Variants in RALGPS2 observed in about 807,000 individuals in gnomAD.
RALGPS2 encodes the protein ras-specific guanine nucleotide-releasing factor RalGPS2.
A neutral mutation model predicts 86.8 loss-of-function variants in RALGPS2; 43 were observed. The ratio of observed to expected loss-of-function variants is 0.50; its 90% CI spans 0.39 to 0.64. The LOEUF (loss-of-function observed/expected upper bound fraction) is 0.64. Among genes scored for constraint, RALGPS2 ranks in the 30% least tolerant of loss-of-function variants. The pLI is 0.00. For missense variants in RALGPS2, 536 were observed against 694.6 expected, an observed-to-expected ratio of 0.77 and a Z score of 2.57; for synonymous variants, 243 against 231.3, an observed-to-expected ratio of 1.05 and a Z score of -0.46.
chr1:178,790,540 G>A (rs1352383929), intron 4 of RALGPS2, among the ~76,000 whole-genome samples: 8 of 152,036 alleles, frequency 5.3e-5, no homozygotes, highest in African/African-American at 9.7e-5. Flanking sequence ...ATCCCTTAAC[G>A]CATGCTATTG....
intron 1 of RALGPS2, among the ~76,000 whole-genome samples, chr1:178,752,488 T>A (rs1052838236): frequency 6.6e-6 from 1 of 152,040 alleles, no homozygotes; most frequent in East Asian, 1.9e-4. Flanking sequence ...GCCAGCACTA[T>A]CTTCCTGCAG....
intron 12 of RALGPS2, chr1:178,885,442 A>G (rs1205602387): frequency 4.2e-6 from 2 of 471,444 alleles, no homozygotes; most frequent in Admixed American, 7.9e-5. Context: ...GGGACGATAA[A>G]TGAACATTAC....
chr1:178,833,564 C>CTG lies in RALGPS2; in HGVS notation c.607+20_607+21dup. 8 of 1,521,972 alleles carry CTG rather than the reference C, an allele frequency of 5.3e-6. No individual in the cohort carries two copies. The highest frequency in any genetic ancestry group is 7.0e-6 in the Non-Finnish European group (8 of 1,147,410). 94.3% of individuals were successfully genotyped at this position (1,521,972 alleles called of 1,614,324 possible). On this transcript the variant is annotated intron_variant, in intron 8 of 19. Transcript: ENST00000367635. ...TTCCCTATTTAGGTGAGTTATGTCA[C>CTG]TGTGTGTTTTTTGTTTCTAGTTGTT... is the stretch of plus-strand genomic sequence containing the variant.
chr1:178,833,713 T>C (rs1656133501), intron 8 of RALGPS2, among the ~76,000 whole-genome samples, 163 bp downstream of exon 8: 1 of 152,154 alleles, frequency 6.6e-6, no homozygotes. Flanking sequence ...GTTACCCTGT[T>C]ACCTGGAATG....
rs1243235239 is a variant in RALGPS2 at position 178,919,186 on chromosome 1, G to A, written c.*2827G>A. 1 of 151,994 alleles carries A rather than the reference G, an allele frequency of 6.6e-6. No homozygotes were observed. The highest frequency in any genetic ancestry group is 1.5e-5 in the Non-Finnish European group (1 of 67,894). The allele number at this position is 151,994 out of a possible 1,614,324, so 9.4% of individuals were successfully genotyped here. Reference sequence around the variant, plus strand: ...AGACAGTAAGAATTGAACAAGAACTGATCAAACACACCTTCCTATTTTGTT... The same window carrying A: ...AGACAGTAAGAATTGAACAAGAACTAATCAAACACACCTTCCTATTTTGTT... On this transcript the variant is annotated 3_prime_UTR_variant, in exon 20 of 20. Transcript: ENST00000367635.
At chr1:178,740,062 T>C (rs920195665) in intron 1 of RALGPS2, among the ~76,000 whole-genome samples, 7 of 152,224 alleles carry the variant, frequency 4.6e-5, no homozygotes, top group Admixed American at 3.9e-4. Flanking sequence ...ACCTTTGACT[T>C]AATAATCACT....
At chr1:178,729,919 C>T (rs929192712) in intron 1 of RALGPS2, among the ~76,000 whole-genome samples, 2 of 152,036 alleles carry the variant, frequency 1.3e-5, no homozygotes, top group Non-Finnish European at 2.9e-5. Context: ...TATACTTTTA[C>T]TGTTTGTTTT....
intron 4 of RALGPS2, among the ~76,000 whole-genome samples, chr1:178,793,796 G>A (rs4651007): frequency 0.89 from 134,956 of 152,188 alleles, 60,095 homozygotes; most frequent in African/African-American, 0.97. Context: ...TTTTGGAGTC[G>A]TTTTTGCAGA....
At chr1:178,904,842 A>T (rs1478866865) in intron 18 of RALGPS2, among the ~76,000 whole-genome samples, 1 of 151,776 alleles carries the variant, frequency 6.6e-6, no homozygotes, top group Non-Finnish European at 1.5e-5. Context: ...CTCTTTTTTG[A>T]TTGTATGTGA....
chr1:178,826,894 A>G (rs1417260748), intron 7 of RALGPS2, among the ~76,000 whole-genome samples: 1 of 152,216 alleles, frequency 6.6e-6, no homozygotes, highest in African/African-American at 2.4e-5. Flanking sequence ...GAAGTCATTA[A>G]CAAAGAACTA....
chr1:178,866,622 T>C (rs1018060382), intron 8 of RALGPS2, among the ~76,000 whole-genome samples: 1 of 152,102 alleles, frequency 6.6e-6, no homozygotes, highest in African/African-American at 2.4e-5. Flanking sequence ...GGAAAGAAAC[T>C]TGTCTGTAAT....
chr1:178,797,704 A>G (rs568529028), intron 4 of RALGPS2, among the ~76,000 whole-genome samples: 1 of 152,248 alleles, frequency 6.6e-6, no homozygotes, highest in East Asian at 1.9e-4. Context: ...TTTTTATAAT[A>G]CGTGTCTGTA....
rs553270205 is a variant in RALGPS2 at position 178,769,053 on chromosome 1, G to A, written c.-83-7629G>A. ...TCTGCCTGGATATGAAGCAGAGATG[G>A]GGACCCCTGCACCTGGATCTCTGCA... On this transcript the variant is annotated intron_variant, in intron 1 of 19. Transcript: ENST00000367635. Among the ~76,000 whole-genome samples the A allele has an allele frequency of 3.3e-5, 5 of 151,418 alleles. No homozygotes were observed. The East Asian group carries it at 9.8e-4, about 30-fold the overall frequency.
intron 1 of RALGPS2, among the ~76,000 whole-genome samples, chr1:178,729,151 C>G (rs2101997673): frequency 1.3e-5 from 2 of 151,946 alleles, no homozygotes; most frequent in South Asian, 4.2e-4. Flanking sequence ...CTTACATGAC[C>G]TTTTTTTTCA....
intron 10 of RALGPS2, among the ~76,000 whole-genome samples, chr1:178,880,897 C>CA (rs1659217434): frequency 1.3e-5 from 2 of 152,128 alleles, no homozygotes; most frequent in African/African-American, 4.8e-5. Flanking sequence ...TGAGGTAGTT[C>CA]TGACATTCTG....
At chr1:178,865,561 A>G (rs1658348270) in intron 8 of RALGPS2, 3 of 1,614,116 alleles carry the variant, frequency 1.9e-6, no homozygotes, top group Admixed American at 1.7e-5. Context: ...TGGTACTTGC[A>G]TCTTGCCCCT....
At position 178,850,839 on chromosome 1, in the gene RALGPS2, T is replaced by C. The variant is rs1044642475; in HGVS notation, c.607+17289T>C. The C allele has an allele frequency of 1.3e-5, 3 of 236,158 alleles. No homozygotes were observed. In the East Asian group the frequency reaches 2.6e-4, roughly 21 times the overall value. The allele number at this position is 236,158 out of a possible 1,614,324, so 14.6% of individuals were successfully genotyped here. On this transcript the variant is annotated intron_variant, in intron 8 of 19. Coordinates refer to ENST00000367635, the MANE Select transcript of RALGPS2 (RefSeq NM_152663.5). ...TGTTATTTATGATTTAAAATATAGC[T>C]AAGATTTGCTTTACATTGTGGCAAA...
At chr1:178,790,122 A>G (rs908244491) in intron 4 of RALGPS2, among the ~76,000 whole-genome samples, 1 of 151,670 alleles carries the variant, frequency 6.6e-6, no homozygotes, top group Non-Finnish European at 1.5e-5. Flanking sequence ...CTAATTTTTT[A>G]TTTTATTTTT....
In RALGPS2 at chr1:178,763,726, T is replaced by A. The variant is rs369164553; in HGVS notation, c.-83-12956T>A. ...CATTAGTTTCAAAGAATTTCTTGATTTCTGCCTTAATTTCATTATTTACCC... is the reference window on the plus strand; with the variant it reads ...CATTAGTTTCAAAGAATTTCTTGATATCTGCCTTAATTTCATTATTTACCC... On this transcript the variant is annotated intron_variant, in intron 1 of 19. Transcript: ENST00000367635. Among the ~76,000 whole-genome samples the A allele has an allele frequency of 3.9e-5, 6 of 152,314 alleles. No homozygotes were observed. The East Asian group carries it at 1.2e-3, about 29-fold the overall frequency.
Sources: gnomAD v4.1 joint callset for allele counts (sites outside exome capture counted in the v4.1 genomes callset) on GRCh38, gnomAD v4.1.1 for gene constraint, MANE v1.5 for transcripts, NCBI Gene and HGNC (gene_info 2026-07-23, HGNC 2026-07-21) for gene names.